SHISA9: variants seen among roughly 807,000 people sequenced by gnomAD.
SHISA9 encodes the protein shisa family member 9.
Under a neutral mutation model 38.0 loss-of-function variants are expected in SHISA9, and 13 were observed. That is an observed-to-expected ratio of 0.34 (90% CI 0.22 to 0.54). The LOEUF is 0.54. Among genes scored for constraint, SHISA9 ranks in the 20% least tolerant of loss-of-function variants. The probability of loss-of-function intolerance (pLI) is 0.91; values close to 1 mark genes in which losing one functional copy is unlikely to be tolerated. For missense variants in SHISA9, 538 were observed against 575.8 expected (o/e 0.93, Z 0.67); for synonymous variants, 275 against 242.0 (o/e 1.14, Z -1.27).
the SHISA9 span, among the ~76,000 whole-genome samples, chr16:13,256,502 A>T: frequency 2.0e-5 from 3 of 152,114 alleles, no homozygotes; most frequent in African/African-American, 7.2e-5. Context: ...CTGGTCTCGA[A>T]CTCCCAACCT....
At chr16:13,085,763 G>T (rs2073703767) in intron 2 of SHISA9, among the ~76,000 whole-genome samples, 1 of 152,156 alleles carries the variant, frequency 6.6e-6, no homozygotes, top group Non-Finnish European at 1.5e-5. Context: ...TATATCCCTT[G>T]ACTCAGGGGA....
At chr16:13,263,566 A>C in the SHISA9 span, among the ~76,000 whole-genome samples, 2 of 152,230 alleles carry the variant, frequency 1.3e-5, no homozygotes, top group African/African-American at 4.8e-5. Context: ...GAAGCTGAAC[A>C]GATGACCAAC....
chr16:13,544,093 C>T, the SHISA9 span, among the ~76,000 whole-genome samples: 2 of 152,086 alleles, frequency 1.3e-5, no homozygotes, highest in African/African-American at 4.8e-5. Flanking sequence ...AGGCAGTCTC[C>T]ATTGCAAATT....
chr16:13,442,394 C>T, the SHISA9 span, among the ~76,000 whole-genome samples: 2 of 152,036 alleles, frequency 1.3e-5, no homozygotes, highest in Non-Finnish European at 2.9e-5. Flanking sequence ...CTGCAACCTC[C>T]ACCTCCCAGG....
the SHISA9 span, among the ~76,000 whole-genome samples, chr16:13,376,494 A>G: frequency 6.6e-6 from 1 of 152,316 alleles, no homozygotes; most frequent in South Asian, 2.1e-4. Flanking sequence ...AAGTCATTTC[A>G]GCTTTTACCT....
At chr16:13,522,791 T>G in the SHISA9 span, among the ~76,000 whole-genome samples, 1 of 152,186 alleles carries the variant, frequency 6.6e-6, no homozygotes, top group Non-Finnish European at 1.5e-5. Context: ...TTAGGGCAGC[T>G]AGTTTACAGC....
At chr16:13,112,670 C>T (rs945645061) in intron 2 of SHISA9, among the ~76,000 whole-genome samples, 3 of 151,628 alleles carry the variant, frequency 2.0e-5, no homozygotes, top group Non-Finnish European at 4.4e-5. Flanking sequence ...TCAAGGGGTT[C>T]TTCTGGTTTG....
the SHISA9 span, among the ~76,000 whole-genome samples, chr16:13,301,870 C>T: frequency 5.9e-5 from 9 of 152,164 alleles, no homozygotes; most frequent in East Asian, 3.9e-4. Context: ...CAATGTCAAA[C>T]GAGGCTAATG....
the SHISA9 span, among the ~76,000 whole-genome samples, chr16:13,459,798 C>A: frequency 6.6e-6 from 1 of 152,174 alleles, no homozygotes; most frequent in Admixed American, 6.5e-5. Context: ...AGGCATCATG[C>A]CGTTATCTGG....
At chr16:13,145,933 A>G (rs1394775028) in intron 2 of SHISA9, among the ~76,000 whole-genome samples, 2 of 152,248 alleles carry the variant, frequency 1.3e-5, no homozygotes, top group Non-Finnish European at 2.9e-5. Context: ...CGCGCCTGTA[A>G]TCCCAGCACT....
chr16:13,084,750 TAGAC>T (rs2073691966), intron 2 of SHISA9, among the ~76,000 whole-genome samples: 2 of 592 alleles, frequency 3.4e-3, no homozygotes, highest in Admixed American at 0.02. Context: ...GCTTAGACCA[TAGAC>T]CATAGACCAT....
intron 2 of SHISA9, among the ~76,000 whole-genome samples, chr16:13,069,528 A>T (rs1209696050): frequency 6.6e-6 from 1 of 151,842 alleles, no homozygotes; most frequent in African/African-American, 2.4e-5. Context: ...GTGTGTACAC[A>T]CAATGTGTGC....
Position 13,200,716 on chromosome 16 carries a change from G to C in SHISA9, c.692-2678G>C, listed in dbSNP as rs573761230. Among the ~76,000 whole-genome samples, 148 of 135,858 alleles carry C rather than the reference G, an allele frequency of 1.1e-3. 36 individuals carry two copies. Among genetic ancestry groups the C allele is most frequent in the African/African-American group, 3.9e-3 (134 of 34,592 alleles). 89.1% of individuals were successfully genotyped at this position (135,858 alleles called of 152,430 possible). Reference sequence around the variant, plus strand: ...TGAATCTCGGCCAAAAAGCTATCGTGGTAGAAGGATACATGCGTCTCTCCA... The same window carrying C: ...TGAATCTCGGCCAAAAAGCTATCGTCGTAGAAGGATACATGCGTCTCTCCA... On this transcript the variant is annotated intron_variant, in intron 2 of 4. Transcript: ENST00000558583.
the SHISA9 span, among the ~76,000 whole-genome samples, chr16:13,483,230 T>C: frequency 6.6e-6 from 1 of 152,174 alleles, no homozygotes; most frequent in Admixed American, 6.5e-5. Flanking sequence ...AGCCTATAAA[T>C]ATGTATGTTG....
chr16:13,440,436 G>A, the SHISA9 span, among the ~76,000 whole-genome samples: 234 of 152,290 alleles, frequency 1.5e-3, no homozygotes, highest in African/African-American at 5.2e-3. Context: ...TTTATTGAAG[G>A]GGGAGAAGGA....
chr16:13,471,241 G>A, the SHISA9 span, among the ~76,000 whole-genome samples: 3 of 152,090 alleles, frequency 2.0e-5, no homozygotes, highest in African/African-American at 4.8e-5. Flanking sequence ...GGAACTGTCC[G>A]CCACAGCAGT....
chr16:13,530,346 G>T, the SHISA9 span, among the ~76,000 whole-genome samples: 1 of 152,086 alleles, frequency 6.6e-6, no homozygotes, highest in South Asian at 2.1e-4. Context: ...TACCAGCTCT[G>T]TGTCCTTAGG....
the SHISA9 span, among the ~76,000 whole-genome samples, chr16:13,387,768 G>A: frequency 4.6e-5 from 7 of 152,056 alleles, no homozygotes; most frequent in Admixed American, 2.6e-4. Context: ...GATTACAGGC[G>A]TGAGCCACCA....
intron 2 of SHISA9, among the ~76,000 whole-genome samples, chr16:13,170,234 A>G (rs1189461888): frequency 2.0e-5 from 3 of 151,952 alleles, no homozygotes; most frequent in Admixed American, 6.6e-5. Flanking sequence ...AAGAAAAGTA[A>G]AATATATGTT....
Sources: gnomAD v4.1 joint callset for allele counts (sites outside exome capture counted in the v4.1 genomes callset) on GRCh38, gnomAD v4.1.1 for gene constraint, MANE v1.5 for transcripts, NCBI Gene and HGNC (gene_info 2026-07-23, HGNC 2026-07-21) for gene names.